The following MRPS27 variants were observed in gnomAD, a reference collection of about 807,000 sequenced individuals.
MRPS27 encodes the protein small ribosomal subunit protein mS27.
In MRPS27, 43 loss-of-function variants were observed where a neutral mutation model predicts 48.9. The ratio of observed to expected loss-of-function variants is 0.88; its 90% CI spans 0.69 to 1.13. MRPS27 has a LOEUF of 1.13. Ranked by LOEUF, MRPS27 falls within the 50% of genes most tolerant of loss-of-function variation. The pLI is 0.00. For missense variants in MRPS27, 467 were observed against 476.3 expected (o/e 0.98, Z 0.18); for synonymous variants, 188 against 171.9 (o/e 1.09, Z -0.73).
At position 72,219,753 on chromosome 5, in the gene MRPS27, C is replaced by A. The variant is rs1487413599; in HGVS notation, c.*1156G>T. ...CAACCCATCTCTCATTTTCTAACTT[C>A]TTTAACAGAAATGTGTGTTCACAAG... On this transcript the variant is annotated 3_prime_UTR_variant, in exon 11 of 11. Transcript: ENST00000261413. 1 of 152,192 alleles carries A rather than the reference C, an allele frequency of 6.6e-6. No homozygotes were observed. The highest frequency in any genetic ancestry group is 2.4e-5 in the African/African-American group (1 of 41,440). 9.4% of individuals were successfully genotyped at this position (152,192 alleles called of 1,614,324 possible).
intron 1 of MRPS27, among the ~76,000 whole-genome samples, chr5:72,316,966 T>C (rs1247587168): frequency 1.3e-5 from 2 of 148,324 alleles, no homozygotes; most frequent in Non-Finnish European, 3.0e-5. Context: ...GAGGTGGAGG[T>C]TGTGGTGAGC....
chr5:72,315,572 AG>A (rs1297267958), intron 1 of MRPS27, among the ~76,000 whole-genome samples: 2 of 151,748 alleles, frequency 1.3e-5, no homozygotes, highest in Non-Finnish European at 1.5e-5. Flanking sequence ...AAAAAAAAAA[AG>A]AAAAAGTAAA....
chr5:72,241,412 C>T (rs1260689286), intron 4 of MRPS27: 4 of 532,116 alleles, frequency 7.5e-6, no homozygotes, highest in Non-Finnish European at 1.3e-5. Context: ...AGCCAGGAAG[C>T]AAATGAACTC....
At chr5:72,293,848 TAAA>T (rs1353709881) in intron 4 of MRPS27, among the ~76,000 whole-genome samples, 1 of 152,118 alleles carries the variant, frequency 6.6e-6, no homozygotes, top group African/African-American at 2.4e-5. Flanking sequence ...TTGCTATAAA[TAAA>T]AATATGAGAA....
At chr5:72,299,491 T>C (rs777395998) in intron 2 of MRPS27, among the ~76,000 whole-genome samples, 42 of 152,272 alleles carry the variant, frequency 2.8e-4, no homozygotes, top group Non-Finnish European at 5.6e-4. Context: ...ATTCCTTTTG[T>C]ATTTTGAAAT....
At chr5:72,235,064 A>G (rs898836877) in intron 5 of MRPS27, among the ~76,000 whole-genome samples, 1 of 152,048 alleles carries the variant, frequency 6.6e-6, no homozygotes, top group Admixed American at 6.6e-5. Context: ...CTAACCCCCA[A>G]CTGAATCACC....
Position 72,285,258 on chromosome 5 carries a change from T to C in MRPS27, c.281+10273A>G, listed in dbSNP as rs1226112425. On this transcript the variant is annotated intron_variant, in intron 4 of 10. Transcript: ENST00000261413. The stretch of plus-strand genomic sequence containing the variant: ...CTTCTAACTCCAGCTGTACGATTTG[T>C]TCCATCTTGAACACTTGCTCCTGTT... Among the ~76,000 whole-genome samples the C allele has an allele frequency of 3.3e-5, 5 of 152,204 alleles. No homozygotes were observed. In the East Asian group the frequency reaches 9.6e-4, roughly 29 times the overall value.
chr5:72,300,747 T>C (rs1011620278), intron 2 of MRPS27, among the ~76,000 whole-genome samples: 3 of 152,184 alleles, frequency 2.0e-5, no homozygotes, highest in Non-Finnish European at 4.4e-5. Context: ...ATCTCTCATC[T>C]CCTGACCTTG....
At chr5:72,264,179 C>A (rs553607190) in intron 4 of MRPS27, among the ~76,000 whole-genome samples, 20 of 152,166 alleles carry the variant, frequency 1.3e-4, no homozygotes, top group African/African-American at 4.1e-4. Context: ...ATAAAATATC[C>A]AGAATAGGGA....
chr5:72,224,315 C>T (rs1264790057), intron 9 of MRPS27, among the ~76,000 whole-genome samples: 1 of 152,152 alleles, frequency 6.6e-6, no homozygotes, highest in African/African-American at 2.4e-5. Flanking sequence ...GCCATGATCA[C>T]ATCACTGCAC....
intron 4 of MRPS27, among the ~76,000 whole-genome samples, chr5:72,289,570 C>T (rs1230477753): frequency 2.0e-5 from 3 of 152,008 alleles, no homozygotes; most frequent in Admixed American, 6.5e-5. Context: ...TACAGGTGTG[C>T]ACCACCACAC....
intron 1 of MRPS27, 24 bp downstream of exon 1, chr5:72,320,125 G>C (rs753565539): frequency 5.6e-6 from 9 of 1,607,546 alleles, no homozygotes; most frequent in Non-Finnish European, 7.7e-6. Context: ...ATAATCAGGG[G>C]CCTAATGAAG....
chr5:72,298,225 T>C (rs900725493), intron 2 of MRPS27, among the ~76,000 whole-genome samples: 12 of 151,918 alleles, frequency 7.9e-5, no homozygotes, highest in African/African-American at 2.7e-4. Context: ...GCAAAAGACA[T>C]GAACAGATAC....
chr5:72,249,140 G>C (rs921953200), intron 4 of MRPS27, among the ~76,000 whole-genome samples: 1 of 152,176 alleles, frequency 6.6e-6, no homozygotes, highest in Non-Finnish European at 1.5e-5. Flanking sequence ...AAGTAAGAAA[G>C]CTGGGATTTT....
intron 4 of MRPS27, among the ~76,000 whole-genome samples, chr5:72,242,406 T>C (rs1047635212): frequency 1.4e-5 from 2 of 141,766 alleles, no homozygotes; most frequent in Non-Finnish European, 3.0e-5. Context: ...GGAAGAGAGG[T>C]TATATAAAAG....
chr5:72,249,530 C>T (rs898757297), intron 4 of MRPS27, among the ~76,000 whole-genome samples: 13 of 150,246 alleles, frequency 8.7e-5, no homozygotes, highest in Non-Finnish European at 1.5e-4. Flanking sequence ...CTAAAAAATA[C>T]AAAAATTAGC....
intron 6 of MRPS27, among the ~76,000 whole-genome samples, chr5:72,232,934 G>A (rs923718951): frequency 1.3e-4 from 20 of 152,142 alleles, no homozygotes; most frequent in African/African-American, 4.8e-4. Context: ...AAACTGTGAT[G>A]CAAATTTAAG....
chr5:72,272,256 C>G (rs1290829110), intron 4 of MRPS27, among the ~76,000 whole-genome samples: 1 of 152,122 alleles, frequency 6.6e-6, no homozygotes, highest in African/African-American at 2.4e-5. Context: ...ATACTGTTAT[C>G]CTTAGAAAGG....
intron 4 of MRPS27, among the ~76,000 whole-genome samples, chr5:72,238,925 T>C (rs1048417195): frequency 6.6e-6 from 1 of 152,126 alleles, no homozygotes; most frequent in Non-Finnish European, 1.5e-5. Context: ...CTGGGGTTCA[T>C]GACAAAAGAC....
Sources: allele counts gnomAD v4.1 joint callset (sites outside exome capture counted in the v4.1 genomes callset), GRCh38; gene constraint gnomAD v4.1.1; transcripts MANE v1.5; gene names NCBI Gene and HGNC (gene_info 2026-07-23, HGNC 2026-07-21).